CASP10: variants seen among roughly 807,000 people sequenced by gnomAD.
The protein encoded by CASP10 is caspase 10.
CASP10 carries 41 observed loss-of-function variants against 48.5 expected under a neutral mutation model. That is an observed-to-expected ratio of 0.85 (90% CI 0.66 to 1.10). CASP10 has a LOEUF of 1.10. CASP10 is among the 50% of genes least tolerant of loss of function. The probability of loss-of-function intolerance (pLI) is 0.00; values close to 1 mark genes in which losing one functional copy is unlikely to be tolerated. For missense variants in CASP10, 614 were observed against 614.5 expected (o/e 1.00, Z 0.01); for synonymous variants, 232 against 238.4 (o/e 0.97, Z 0.25).
rs1945701672 is a variant in CASP10 at position 201,220,729 on chromosome 2, T to C, written c.*2988T>C. The C allele has an allele frequency of 1.0e-6, 1 of 985,174 alleles. No individual in the cohort carries two copies. The highest frequency in any genetic ancestry group is 5.2e-4 in the Middle Eastern group (1 of 1,914). The allele number at this position is 985,174 out of a possible 1,614,324, so 61.0% of individuals were successfully genotyped here. ...CCTTTCATGTTTCTTTCCTCTTTCT[T>C]TAATTCTTACACATGTGTCAGGATG... On this transcript the variant is annotated 3_prime_UTR_variant, in exon 10 of 10. Coordinates refer to ENST00000286186, the MANE Select transcript of CASP10 (RefSeq NM_032977.4).
At chr2:201,223,276 C>T (rs140691374), downstream of CASP10, among the ~76,000 whole-genome samples, 846 of 152,272 alleles carry the variant, frequency 5.6e-3, 5 homozygotes, top group Middle Eastern at 0.02. Flanking sequence ...TTCACTCCAA[C>T]CTCTCATTCT....
chr2:201,218,089 C>G lies in CASP10; in HGVS notation c.*348C>G, dbSNP rs1436468175. On this transcript the variant is annotated 3_prime_UTR_variant, in exon 10 of 10. Coordinates refer to ENST00000286186, the MANE Select transcript of CASP10 (RefSeq NM_032977.4). ...CCACCGTGCCCGGATTTTTTTTATT[C>G]TTTATTTTTTGTAGAGATGGAGGGA... 30 of 760,298 alleles carry G rather than the reference C, an allele frequency of 3.9e-5. No homozygotes were observed. Among genetic ancestry groups the G allele is most frequent in the Non-Finnish European group, 5.2e-5 (30 of 572,714 alleles). 47.1% of individuals were successfully genotyped at this position (760,298 alleles called of 1,614,324 possible).
At chr2:201,210,238 G>T (rs1945351206) in intron 9 of CASP10, among the ~76,000 whole-genome samples, 1 of 152,074 alleles carries the variant, frequency 6.6e-6, no homozygotes, top group African/African-American at 2.4e-5. Flanking sequence ...TGTCCTCTTG[G>T]CACCTTTAGC....
Position 201,220,813 on chromosome 2 carries a change from T to A in CASP10, c.*3072T>A. ...CAAAAGCTAGTGGTCACAGTCCTTGTCCAGTTGGCAGAACTGACATGTGAA... is the reference window on the plus strand; with the variant it reads ...CAAAAGCTAGTGGTCACAGTCCTTGACCAGTTGGCAGAACTGACATGTGAA... On this transcript the variant is annotated 3_prime_UTR_variant, in exon 10 of 10. Transcript: ENST00000286186. The A allele has an allele frequency of 1.0e-6, 1 of 985,404 alleles. No homozygotes were observed. The highest frequency in any genetic ancestry group is 4.7e-5 in the South Asian group (1 of 21,292). The allele number at this position is 985,404 out of a possible 1,614,324, so 61.0% of individuals were successfully genotyped here. A position where few individuals can be genotyped will look rare whatever the true frequency, so the allele number is the denominator to read the frequency against.
Position 201,209,443 on chromosome 2 carries a change from C to G in CASP10, c.1296C>G (p.Ala432=). ...CTTCCCTGCAGGACAGTATTCCTGCCGAGGCTGACTTCCTACTTGGTCTGG... is the reference window on the plus strand; with the variant it reads ...CTTCCCTGCAGGACAGTATTCCTGCGGAGGCTGACTTCCTACTTGGTCTGG... ...APTSLQDSIP[A]EADFLLGLAT... Residue 432 remains alanine, a synonymous_variant, in exon 9 of 10, where the codon GCC becomes GCG. Coordinates refer to ENST00000286186, the MANE Select transcript of CASP10 (RefSeq NM_032977.4). 1 of 1,614,014 alleles carries G rather than the reference C, an allele frequency of 6.2e-7. No individual in the cohort carries two copies.
At chr2:201,213,961 A>C (rs1945486463) in intron 9 of CASP10, 1 of 152,190 alleles carries the variant, frequency 6.6e-6, no homozygotes, top group Admixed American at 6.5e-5. Context: ...TTTTAGGAGC[A>C]CTGCTGCAAG....
intron 9 of CASP10, among the ~76,000 whole-genome samples, chr2:201,211,620 T>C (rs1437038516): frequency 2.0e-5 from 3 of 152,184 alleles, no homozygotes; most frequent in Non-Finnish European, 2.9e-5. Context: ...CATATATCCA[T>C]TTTTGGACCC....
chr2:201,206,653 G>T (rs985809127), intron 7 of CASP10, among the ~76,000 whole-genome samples: 1 of 149,124 alleles, frequency 6.7e-6, no homozygotes, highest in South Asian at 2.1e-4. Context: ...TAAAGATGGC[G>T]GTCTCACTGT....
intron 3 of CASP10, among the ~76,000 whole-genome samples, chr2:201,188,270 C>T (rs547448367): frequency 1.3e-5 from 2 of 152,226 alleles, no homozygotes; most frequent in African/African-American, 4.8e-5. Context: ...ACCTCCACCT[C>T]CTGGGTTCAA....
chr2:201,198,518 C>A (rs1161271820), intron 5 of CASP10, among the ~76,000 whole-genome samples: 1 of 149,210 alleles, frequency 6.7e-6, no homozygotes, highest in South Asian at 2.1e-4. Context: ...AGCCACCGTA[C>A]CCGGCCTTTA....
intron 9 of CASP10, chr2:201,214,042 A>G (rs1311012609): frequency 6.6e-6 from 1 of 152,072 alleles, no homozygotes; most frequent in East Asian, 1.9e-4. Context: ...GTATAGGGGT[A>G]TTTTTACTAT....
chr2:201,191,689 C>G (rs552830310), intron 3 of CASP10, among the ~76,000 whole-genome samples: 2 of 152,330 alleles, frequency 1.3e-5, no homozygotes, highest in Admixed American at 1.3e-4. Flanking sequence ...CTTACAGTCT[C>G]TCTGGGGAAA....
chr2:201,193,074 G>T lies in CASP10; in HGVS notation c.532G>T (p.Val178Leu), dbSNP rs773452930. 4 of 1,613,778 alleles carry T rather than the reference G, an allele frequency of 2.5e-6. No individual in the cohort carries two copies. In the African/African-American group the frequency reaches 4.0e-5, roughly 16 times the overall value. Reference sequence around the variant, plus strand: ...CCTGGAGGACCTCTGCAAAACAGTTGTACCTAAACTTTTGAGAAACATAGA... The same window carrying T: ...CCTGGAGGACCTCTGCAAAACAGTTTTACCTAAACTTTTGAGAAACATAGA... ...TCLEDLCKTV[V>L]PKLLRNIEKY... The change falls in exon 4 of 10, where the codon GTA becomes TTA. Residue 178 changes from valine (V) to leucine (L), a missense_variant. Coordinates refer to ENST00000286186, the MANE Select transcript of CASP10 (RefSeq NM_032977.4).
chr2:201,218,585 A>G lies in CASP10; in HGVS notation c.*844A>G, dbSNP rs1945644068. On this transcript the variant is annotated 3_prime_UTR_variant, in exon 10 of 10. Transcript: ENST00000286186. ...TCAAAGTTCTGGGACTACAGGCATG[A>G]AATACTGTGCCTGGCCTGGGGACCA... is the stretch of plus-strand genomic sequence containing the variant. The G allele has an allele frequency of 1.0e-6, 1 of 984,796 alleles. No individual in the cohort carries two copies. The highest frequency in any genetic ancestry group is 6.2e-5 in the Admixed American group (1 of 16,254). 61.0% of individuals were successfully genotyped at this position (984,796 alleles called of 1,614,324 possible).
chr2:201,211,714 A>G (rs1945400820), intron 9 of CASP10, among the ~76,000 whole-genome samples: 1 of 151,856 alleles, frequency 6.6e-6, no homozygotes. Flanking sequence ...TATTGATTGC[A>G]TTTTCTTTGT....
At chr2:201,184,183 T>C (rs1412741345) in intron 1 of CASP10, among the ~76,000 whole-genome samples, 1 of 152,056 alleles carries the variant, frequency 6.6e-6, no homozygotes, top group Non-Finnish European at 1.5e-5. Context: ...TATAATGAAA[T>C]TTAGTATGTA....
At chr2:201,196,120 AC>A (rs1332447212) in intron 5 of CASP10, 172 bp downstream of exon 5, 1 of 580,600 alleles carries the variant, frequency 1.7e-6, no homozygotes, top group Admixed American at 3.0e-5. Flanking sequence ...ACCAGAGTGC[AC>A]ATTTTCTGAA....
intron 3 of CASP10, among the ~76,000 whole-genome samples, chr2:201,189,063 G>A (rs1246180117): frequency 6.6e-6 from 1 of 151,454 alleles, no homozygotes; most frequent in African/African-American, 2.4e-5. Flanking sequence ...GTAGAGATAG[G>A]GTTTCACCAT....
At chr2:201,198,225 CTT>C (rs775115555) in intron 5 of CASP10, among the ~76,000 whole-genome samples, 20 of 138,714 alleles carry the variant, frequency 1.4e-4, no homozygotes, top group Admixed American at 1.5e-4. Flanking sequence ...ATTTTTAATT[CTT>C]TTTTTTTTTT....
Sources: allele counts gnomAD v4.1 joint callset (sites outside exome capture counted in the v4.1 genomes callset), GRCh38; gene constraint gnomAD v4.1.1; transcripts MANE v1.5; gene names NCBI Gene and HGNC (gene_info 2026-07-23, HGNC 2026-07-21).